The following WDR37 variants were observed in gnomAD, a reference collection of about 807,000 sequenced individuals.
WDR37 encodes WD repeat domain 37.
In WDR37, 19 loss-of-function variants were observed where a neutral mutation model predicts 62.9. The ratio of observed to expected loss-of-function variants is 0.30; its 90% CI spans 0.21 to 0.44. The LOEUF (loss-of-function observed/expected upper bound fraction) is 0.44, where lower values mean the gene tolerates loss of function less well. Among genes scored for constraint, WDR37 ranks in the 20% least tolerant of loss-of-function variants. The pLI, the probability that WDR37 is intolerant of heterozygous loss-of-function variation, is 1.00. For synonymous variants in WDR37, 250 were observed against 260.9 expected (o/e 0.96, Z 0.40); for missense variants, 474 against 657.6 (o/e 0.72, Z 3.05).
chr10:1,091,918 C>T (rs924091843), intron 7 of WDR37, among the ~76,000 whole-genome samples: 8 of 152,120 alleles, frequency 5.3e-5, no homozygotes, highest in African/African-American at 7.2e-5. Flanking sequence ...CGGTGGCTCA[C>T]GCCTGTAATC....
rs547153585 is a variant in WDR37 at position 1,125,372 on chromosome 10, C to T, written c.1353+348C>T. On this transcript the variant is annotated intron_variant, in intron 13 of 13. Coordinates refer to ENST00000263150, the MANE Select transcript of WDR37 (RefSeq NM_014023.4). ...CCGAGTAGCTGAGATTACAGGCATG[C>T]GCCACCACGCCTGGCTAATTTTGTT... Among the ~76,000 whole-genome samples, 40 of 152,214 alleles carry T rather than the reference C, an allele frequency of 2.6e-4. 1 individual carries two copies. In the South Asian group the frequency reaches 4.6e-3, roughly 17 times the overall value.
At chr10:1,116,305 T>G (rs1835396546) in intron 11 of WDR37, among the ~76,000 whole-genome samples, 1 of 150,722 alleles carries the variant, frequency 6.6e-6, no homozygotes, top group Admixed American at 6.6e-5. Flanking sequence ...TGTCTCTCAG[T>G]CCTCCCGTCA....
intron 11 of WDR37, among the ~76,000 whole-genome samples, chr10:1,113,978 T>A (rs1329952360): frequency 1.1e-5 from 1 of 94,686 alleles, no homozygotes; most frequent in Non-Finnish European, 2.2e-5. Flanking sequence ...TTTTTTAAGA[T>A]GGGAGTCTTG....
chr10:1,114,901 T>C (rs988233255), intron 11 of WDR37, among the ~76,000 whole-genome samples: 1 of 152,238 alleles, frequency 6.6e-6, no homozygotes, highest in African/African-American at 2.4e-5. Flanking sequence ...CGTGGGTGAA[T>C]AGACGTGCCT....
chr10:1,092,312 C>A (rs918053634), intron 7 of WDR37, among the ~76,000 whole-genome samples: 2 of 151,986 alleles, frequency 1.3e-5, no homozygotes, highest in African/African-American at 4.8e-5. Flanking sequence ...GACGACATGG[C>A]AAGACCCGGT....
At chr10:1,091,487 C>T (rs1415863783) in intron 7 of WDR37, among the ~76,000 whole-genome samples, 6 of 152,138 alleles carry the variant, frequency 3.9e-5, no homozygotes, top group Non-Finnish European at 5.9e-5. Flanking sequence ...AAATATAATT[C>T]TAATGGTATA....
At chr10:1,061,510 CAT>C (rs201862424) in intron 1 of WDR37, among the ~76,000 whole-genome samples, 2,522 of 152,232 alleles carry the variant, frequency 0.017, 63 homozygotes, top group African/African-American at 0.058. Context: ...GGGTGCGCAA[CAT>C]AGTTTATTCA....
Position 1,103,864 on chromosome 10 carries a change from T to A in WDR37, c.961+28T>A, listed in dbSNP as rs1201613178. 6.2e-7 allele frequency: 1 copy of A among 1,608,416 alleles called. No individual in the cohort carries two copies. The highest frequency in any genetic ancestry group is 1.7e-5 in the Admixed American group (1 of 59,536). ...GCCTGGGTTCTCTGAGTCCGCCGCC[T>A]CCTGGCTGTGCATGTTAGTTTATGT... On this transcript the variant is annotated intron_variant, in intron 10 of 13. Transcript: ENST00000263150. The surrounding 1 kb of genome is among the most constrained non-coding windows in gnomAD (Gnocchi z 6.3).
intron 9 of WDR37, among the ~76,000 whole-genome samples, chr10:1,100,334 G>T (rs951276526): frequency 1.3e-5 from 2 of 152,206 alleles, no homozygotes; most frequent in Middle Eastern, 3.2e-3. Flanking sequence ...GGAGGAGGCA[G>T]TGCAGCCTGT....
At chr10:1,063,260 A>G (rs922398849) in intron 1 of WDR37, among the ~76,000 whole-genome samples, 6 of 152,204 alleles carry the variant, frequency 3.9e-5, no homozygotes, top group Non-Finnish European at 8.8e-5. Context: ...AGACAAAACA[A>G]GGCCCAAGAA....
intron 5 of WDR37, among the ~76,000 whole-genome samples, chr10:1,084,143 G>A (rs1834117643): frequency 6.6e-6 from 1 of 152,176 alleles, no homozygotes; most frequent in African/African-American, 2.4e-5. Context: ...GACCTTCCAT[G>A]CCTGGCTGTC....
intron 1 of WDR37, among the ~76,000 whole-genome samples, chr10:1,063,522 G>A (rs950908017): frequency 1.3e-5 from 2 of 152,212 alleles, no homozygotes; most frequent in Non-Finnish European, 2.9e-5. Flanking sequence ...CTCATGACAA[G>A]CTGGGATGAG....
intron 1 of WDR37, among the ~76,000 whole-genome samples, chr10:1,069,216 A>AT (rs902026287): frequency 4.6e-5 from 7 of 151,622 alleles, no homozygotes; most frequent in African/African-American, 1.7e-4. Context: ...GTATATCAAG[A>AT]TTTTTTTTAA....
chr10:1,119,050 C>T (rs1835491908), intron 11 of WDR37, among the ~76,000 whole-genome samples: 1 of 152,192 alleles, frequency 6.6e-6, no homozygotes, highest in Non-Finnish European at 1.5e-5. Context: ...GAAGAAAAAA[C>T]ATGAGTGCAT....
chr10:1,097,532 C>G (rs991364055), intron 9 of WDR37, among the ~76,000 whole-genome samples: 2 of 152,362 alleles, frequency 1.3e-5, no homozygotes, highest in Admixed American at 6.5e-5. Context: ...GCAGCTCTCA[C>G]TGCAGTCCCA....
intron 7 of WDR37, among the ~76,000 whole-genome samples, chr10:1,091,317 T>A (rs1296538638): frequency 6.6e-6 from 1 of 152,222 alleles, no homozygotes; most frequent in Admixed American, 6.5e-5. Flanking sequence ...TAATACTATT[T>A]GTTAGTGGGT....
intron 5 of WDR37, among the ~76,000 whole-genome samples, chr10:1,083,824 G>C (rs1344602442): frequency 1.3e-5 from 2 of 152,258 alleles, no homozygotes; most frequent in African/African-American, 2.4e-5. Context: ...GCTGGTGCCT[G>C]TTCTGAGCGA....
At chr10:1,092,753 C>G (rs1834437582) in intron 7 of WDR37, among the ~76,000 whole-genome samples, 1 of 151,592 alleles carries the variant, frequency 6.6e-6, no homozygotes, top group Admixed American at 6.6e-5. Context: ...TTCTTGTGTC[C>G]CAGCTACTTG....
At position 1,126,382 on chromosome 10, in the gene WDR37, G is replaced by A. The variant is rs573220022; in HGVS notation, c.1353+1358G>A. Among the ~76,000 whole-genome samples, 23 of 149,972 alleles carry A rather than the reference G, an allele frequency of 1.5e-4. No individual in the cohort carries two copies. The South Asian group carries it at 1.7e-3, about 11-fold the overall frequency. On this transcript the variant is annotated intron_variant, in intron 13 of 13. Coordinates refer to ENST00000263150, the MANE Select transcript of WDR37 (RefSeq NM_014023.4). ...GATCGCGCCACTGCACTCCAGCCTG[G>A]GCGACAGAGCGAGACTGTGTCTCAG...
Sources: allele counts gnomAD v4.1 joint callset (sites outside exome capture counted in the v4.1 genomes callset), GRCh38; gene constraint gnomAD v4.1.1; non-coding constraint Gnocchi (gnomAD v3.1); transcripts MANE v1.5; gene names NCBI Gene and HGNC (gene_info 2026-07-23, HGNC 2026-07-21).